Variants in SLC5A4 observed in about 807,000 individuals in gnomAD.
SLC5A4 encodes probable glucose sensor protein SLC5A4.
In SLC5A4, 55 loss-of-function variants were observed where a neutral mutation model predicts 70.3. The ratio of observed to expected loss-of-function variants is 0.78; its 90% confidence interval spans 0.63 to 0.98. The LOEUF is 0.98. Among genes scored for constraint, SLC5A4 ranks in the 50% least tolerant of loss-of-function variants. SLC5A4 has a pLI of 0.00. For missense variants in SLC5A4, 735 were observed against 839.2 expected (o/e 0.88, Z 1.53); for synonymous variants, 268 against 305.7 (o/e 0.88, Z 1.29).
the SLC5A4 span, among the ~76,000 whole-genome samples, chr22:32,334,118 TATAC>T: frequency 1.4e-5 from 2 of 141,578 alleles, no homozygotes; most frequent in African/African-American, 5.5e-5. Flanking sequence ...ACCCACACAA[TATAC>T]ATATACACAC....
chr22:32,255,438 G>C (rs755862010), upstream of SLC5A4: 30 of 1,212,784 alleles, frequency 2.5e-5, no homozygotes, highest in Non-Finnish European at 3.5e-5. Flanking sequence ...CCAGCTCCTG[G>C]ATATGGAGAC....
chr22:32,328,088 CAA>C, the SLC5A4 span, among the ~76,000 whole-genome samples: 1 of 143,472 alleles, frequency 7.0e-6, no homozygotes, highest in African/African-American at 2.5e-5. Flanking sequence ...CCAGAGCCCC[CAA>C]CACACAAACA....
At chr22:32,327,987 G>A in the SLC5A4 span, among the ~76,000 whole-genome samples, 1 of 152,014 alleles carries the variant, frequency 6.6e-6, no homozygotes, top group Non-Finnish European at 1.5e-5. Flanking sequence ...TTCACAAGCT[G>A]TGTGACCTTG....
chr22:32,294,475 G>A, the SLC5A4 span, among the ~76,000 whole-genome samples: 1 of 152,124 alleles, frequency 6.6e-6, no homozygotes, highest in African/African-American at 2.4e-5. Flanking sequence ...CTAGGATACT[G>A]ACATCAAAAC....
the SLC5A4 span, among the ~76,000 whole-genome samples, chr22:32,330,824 T>TGG: frequency 9.9e-6 from 1 of 101,400 alleles, no homozygotes; most frequent in Non-Finnish European, 1.9e-5. Flanking sequence ...TGGGAGGCTC[T>TGG]GGTGTGTGTG....
At chr22:32,312,251 C>T in the SLC5A4 span, among the ~76,000 whole-genome samples, 56 of 152,214 alleles carry the variant, frequency 3.7e-4, no homozygotes, top group African/African-American at 1.3e-3. Context: ...AACATTGACA[C>T]GGATGAGAAC....
chr22:32,254,993 T>A (rs1380063254), intron 1 of SLC5A4, among the ~76,000 whole-genome samples: 1 of 152,170 alleles, frequency 6.6e-6, no homozygotes. Context: ...AAGGTCCCGG[T>A]GCTGGCTGTG....
the SLC5A4 span, among the ~76,000 whole-genome samples, chr22:32,296,780 G>A: frequency 4.2e-3 from 266 of 63,418 alleles, 1 homozygote; most frequent in Middle Eastern, 0.014. Context: ...GTATGATATC[G>A]GCTGTGGGTT....
intron 4 of SLC5A4, 101 bp downstream of exon 4, chr22:32,248,642 C>CT: frequency 3.4e-6 from 3 of 876,654 alleles, no homozygotes; most frequent in East Asian, 2.4e-5. Context: ...TAAATAAAGC[C>CT]TTTTTTCCTG....
chr22:32,301,000 T>C, the SLC5A4 span, among the ~76,000 whole-genome samples: 2 of 152,196 alleles, frequency 1.3e-5, no homozygotes, highest in Non-Finnish European at 2.9e-5. Context: ...TCTTGCTCTG[T>C]CGCCCAGGCT....
At chr22:32,340,994 T>C in the SLC5A4 span, among the ~76,000 whole-genome samples, 1 of 152,072 alleles carries the variant, frequency 6.6e-6, no homozygotes, top group African/African-American at 2.4e-5. Context: ...GGATGGATTC[T>C]GGCTTCATTT....
At chr22:32,352,743 G>A in the SLC5A4 span, among the ~76,000 whole-genome samples, 1 of 152,312 alleles carries the variant, frequency 6.6e-6, no homozygotes, top group South Asian at 2.1e-4. Flanking sequence ...AACTACTACT[G>A]CTGTCACCCT....
chr22:32,290,944 G>A, the SLC5A4 span, among the ~76,000 whole-genome samples: 3 of 152,244 alleles, frequency 2.0e-5, no homozygotes, highest in East Asian at 3.9e-4. Context: ...AATTTTGGGG[G>A]AAAACATACA....
chr22:32,312,009 CTTTTTCTGCAGG>C, the SLC5A4 span, among the ~76,000 whole-genome samples: 1 of 152,054 alleles, frequency 6.6e-6, no homozygotes, highest in Non-Finnish European at 1.5e-5. Context: ...TTTTCTGCAG[CTTTTTCTGCAGG>C]GGGTTAATCA....
chr22:32,325,050 GTCC>G, the SLC5A4 span, among the ~76,000 whole-genome samples: 2 of 152,234 alleles, frequency 1.3e-5, no homozygotes, highest in African/African-American at 4.8e-5. Flanking sequence ...GGAGTCACGT[GTCC>G]TCCTAGGCAC....
chr22:32,232,901 G>C lies in SLC5A4; in HGVS notation c.1019C>G (p.Thr340Arg), dbSNP rs1281020855. 6.2e-7 allele frequency: 1 copy of C among 1,613,578 alleles called. No individual in the cohort carries two copies. The highest frequency in any genetic ancestry group is 8.5e-7 in the Non-Finnish European group (1 of 1,179,786). ...MPGMISRILY[T>R]DMVACVVPSE... The stretch of plus-strand genomic sequence containing the variant: ...GAACATACGGATTCAGGGCTTACCT[G>C]TGTACAGGATGCGGCTGATCATCCC... The change falls in exon 9 of 15, where the codon ACA becomes AGA. Residue 340 changes from threonine (T) to arginine (R), a missense_variant and splice_region_variant. Thr to Arg is a moderately conservative substitution (Grantham distance 71). Coordinates refer to ENST00000266086, the MANE Select transcript of SLC5A4 (RefSeq NM_014227.3).
At chr22:32,269,654 C>T in the SLC5A4 span, 485 of 592,130 alleles carry the variant, frequency 8.2e-4, 1 homozygote, top group Non-Finnish European at 1.3e-3. The surrounding 1 kb of genome is among the most constrained non-coding windows in gnomAD (Gnocchi z 4.1). Context: ...TGGTCTTTGT[C>T]GTCAGCTCGC....
chr22:32,310,449 A>G, the SLC5A4 span, among the ~76,000 whole-genome samples: 1 of 152,190 alleles, frequency 6.6e-6, no homozygotes, highest in Non-Finnish European at 1.5e-5. Context: ...CGTGGGACAC[A>G]GCTGTGGCTG....
At chr22:32,277,729 T>C in the SLC5A4 span, among the ~76,000 whole-genome samples, 4 of 152,114 alleles carry the variant, frequency 2.6e-5, no homozygotes, top group Admixed American at 2.0e-4. Flanking sequence ...TTGTATTTTT[T>C]AGTAGAGATG....
Sources: allele counts gnomAD v4.1 joint callset (sites outside exome capture counted in the v4.1 genomes callset), GRCh38; gene constraint gnomAD v4.1.1; non-coding constraint Gnocchi (gnomAD v3.1); transcripts MANE v1.5; gene names NCBI Gene and HGNC (gene_info 2026-07-23, HGNC 2026-07-21).